Variants in TJP1 observed in about 807,000 individuals in gnomAD.
The protein encoded by TJP1 is tight junction protein ZO-1.
Under a neutral mutation model 194.2 loss-of-function variants are expected in TJP1, and 43 were observed. That is an observed-to-expected ratio of 0.22 (90% CI 0.17 to 0.29). The LOEUF (loss-of-function observed/expected upper bound fraction) is 0.29. TJP1 is among the 10% of genes least tolerant of loss of function. The pLI, the probability that TJP1 is intolerant of heterozygous loss-of-function variation, is 1.00. For synonymous variants in TJP1, 801 were observed against 779.0 expected (o/e 1.03, Z -0.47); for missense variants, 1,971 against 2,185.7 (o/e 0.90, Z 1.96).
intron 12 of TJP1, 82 bp from the exon 13 acceptor site, chr15:29,733,395 T>C (rs140720885): frequency 3.6e-5 from 34 of 939,416 alleles, no homozygotes; most frequent in Admixed American, 5.0e-5. Flanking sequence ...AAAGATGCTA[T>C]GATAATATCA....
Position 29,911,456 on chromosome 15 carries a change from T to G in TJP1, c.306+44776A>C, listed in dbSNP as rs1401444187. 3.3e-5 allele frequency among the ~76,000 whole-genome samples: 5 copies of G among 152,308 alleles called. No individual in the cohort carries two copies. In the East Asian group the frequency reaches 9.6e-4, roughly 29 times the overall value. ...TGGGTAATTTATAAAGAAAACAGGT[T>G]TAATTGGCTCATGGTTCCATGGGCT... On this transcript the variant is annotated intron_variant, in intron 2 of 28. Transcript: ENST00000356107.
At chr15:29,761,801 T>C (rs775714442) in intron 6 of TJP1, 32 bp from the exon 7 acceptor site, 5 of 1,486,450 alleles carry the variant, frequency 3.4e-6, no homozygotes, top group Non-Finnish European at 4.5e-6. Context: ...AGCTTGAAAG[T>C]AAATAATAAA....
rs144693821 is a variant in TJP1 at position 29,847,668 on chromosome 15, C to T, written c.307-46966G>A. On this transcript the variant is annotated intron_variant, in intron 2 of 28. Coordinates refer to the TJP1 transcript ENST00000356107. ...GGCGAGGTGGTGCGTGCCTGTAGTC[C>T]CAGCTGCTCGGGAGGCTGAGGTAGG... Among the ~76,000 whole-genome samples the T allele has an allele frequency of 3.4e-3, 511 of 152,136 alleles. 5 individuals carry two copies. Among genetic ancestry groups the T allele is most frequent in the African/African-American group, 0.012 (488 of 41,496 alleles).
At chr15:29,785,726 CCTTTCAATGGA>C (rs567293707) in intron 2 of TJP1, among the ~76,000 whole-genome samples, 1 of 152,288 alleles carries the variant, frequency 6.6e-6, no homozygotes, top group South Asian at 2.1e-4. Context: ...TTCCTATTAA[CCTTTCAATGGA>C]ATTTCAATGA....
chr15:29,825,922 C>G (rs2050660739), upstream of TJP1, among the ~76,000 whole-genome samples: 1 of 152,164 alleles, frequency 6.6e-6, no homozygotes, highest in South Asian at 2.1e-4. Flanking sequence ...TTTTAAGGCT[C>G]ATAATGTTTC....
intron 2 of TJP1, among the ~76,000 whole-genome samples, chr15:29,840,024 G>A (rs1490788876): frequency 6.6e-6 from 1 of 152,118 alleles, no homozygotes; most frequent in African/African-American, 2.4e-5. Flanking sequence ...GCTTTTCATG[G>A]GCTTACTTGC....
chr15:29,748,739 A>G (rs1182177586), intron 8 of TJP1, among the ~76,000 whole-genome samples: 1 of 151,792 alleles, frequency 6.6e-6, no homozygotes, highest in Non-Finnish European at 1.5e-5. Flanking sequence ...TACCCTGCTA[A>G]CTTTTTCTAC....
At chr15:29,858,698 C>T (rs963824131) in intron 2 of TJP1, among the ~76,000 whole-genome samples, 14 of 151,888 alleles carry the variant, frequency 9.2e-5, no homozygotes, top group Admixed American at 3.3e-4. Context: ...GCACACTCCA[C>T]CGTGCCCAGC....
chr15:29,700,420 T>G lies in TJP1; in HGVS notation c.*1175A>C. On this transcript the variant is annotated 3_prime_UTR_variant, in exon 28 of 28. Coordinates refer to ENST00000614355, the MANE Select transcript of TJP1 (RefSeq NM_001330239.4). Reference sequence around the variant, plus strand: ...AACTGTATCTTTTAAATGCAGCACTTAAAAATGTAACAACTCTGTGCATCC... The same window carrying G: ...AACTGTATCTTTTAAATGCAGCACTGAAAAATGTAACAACTCTGTGCATCC... The G allele has an allele frequency of 2.5e-6, 1 of 398,894 alleles. No homozygotes were observed. Among genetic ancestry groups the G allele is most frequent in the South Asian group, 1.3e-4 (1 of 7,852 alleles). 24.7% of individuals were successfully genotyped at this position (398,894 alleles called of 1,614,324 possible). A position where few individuals can be genotyped will look rare whatever the true frequency, so the allele number is the denominator to read the frequency against.
intron 1 of TJP1, among the ~76,000 whole-genome samples, chr15:29,958,271 G>C (rs900099993): frequency 6.7e-6 from 1 of 149,596 alleles, no homozygotes; most frequent in African/African-American, 2.4e-5. Context: ...TCAAGTGTTC[G>C]AAGTCTCTCT....
chr15:29,740,763 A>G lies in TJP1; in HGVS notation c.1256+568T>C, dbSNP rs906690454. Among the ~76,000 whole-genome samples, 26 of 152,200 alleles carry G rather than the reference A, an allele frequency of 1.7e-4. 1 individual carries two copies. Among genetic ancestry groups the G allele is most frequent in the African/African-American group, 6.3e-4 (26 of 41,444 alleles). ...TAATGAAAGGTGTTAAGATAGTAAA[A>G]ACTTACTTTTGGGTTGCTAACTACC... On this transcript the variant is annotated intron_variant, in intron 10 of 27. Transcript: ENST00000614355.
Position 29,822,149 on chromosome 15 carries a change from G to A in TJP1, c.-121C>T, listed in dbSNP as rs766855660. The A allele has an allele frequency of 5.0e-6, 6 of 1,189,964 alleles. No homozygotes were observed. The highest frequency in any genetic ancestry group is 4.5e-5 in the Admixed American group (1 of 22,264). The allele number at this position is 1,189,964 out of a possible 1,614,324, so 73.7% of individuals were successfully genotyped here. ...CCCGAGAGCGAGCGGGGCACGGGCG[G>A]GGGCGGCCGGAAGGGCCCGGCCCAG... On this transcript the variant is annotated 5_prime_UTR_variant, in exon 1 of 28. Coordinates refer to ENST00000614355, the MANE Select transcript of TJP1 (RefSeq NM_001330239.4).
intron 2 of TJP1, among the ~76,000 whole-genome samples, chr15:29,880,499 T>C (rs62014490): frequency 0.075 from 11,426 of 152,248 alleles, 556 homozygotes; most frequent in Non-Finnish European, 0.11. Context: ...CACAATACCA[T>C]AGTGTTAACT....
intron 1 of TJP1, among the ~76,000 whole-genome samples, chr15:29,957,884 AT>A (rs1322622721): frequency 6.6e-6 from 1 of 152,154 alleles, no homozygotes; most frequent in African/African-American, 2.4e-5. Flanking sequence ...GAGAATACCC[AT>A]TTGGGGGAGT....
At chr15:29,920,376 T>A (rs1487443126) in intron 2 of TJP1, among the ~76,000 whole-genome samples, 1 of 152,204 alleles carries the variant, frequency 6.6e-6, no homozygotes, top group African/African-American at 2.4e-5. Flanking sequence ...ATTTTCTAGC[T>A]ACCCATGGGT....
In TJP1 at chr15:29,761,228, A is replaced by C; in HGVS notation, c.921T>G (p.Pro307=). ...SDHSGRSHDR[P]PRRSRSRSPD... is the part of the protein sequence containing the mutation. ...GAGATCGTGACCGGCTGCGGCGGGG[A>C]GGCCTATCGTGTGATCGACCAGAAT... Residue 307 remains proline, a synonymous_variant, in exon 8 of 28, where the codon CCT becomes CCG. Transcript: ENST00000614355. 1 of 1,613,002 alleles carries C rather than the reference A, an allele frequency of 6.2e-7. No individual in the cohort carries two copies. The highest frequency in any genetic ancestry group is 1.7e-4 in the Middle Eastern group (1 of 5,998).
intron 2 of TJP1, among the ~76,000 whole-genome samples, chr15:29,903,093 A>AGG (rs1046479845): frequency 2.0e-5 from 3 of 152,038 alleles, no homozygotes; most frequent in African/African-American, 7.2e-5. Flanking sequence ...ACACACTAGA[A>AGG]GGGGGCCCTT....
chr15:29,900,006 G>A (rs1212483663), intron 2 of TJP1, among the ~76,000 whole-genome samples: 1 of 152,090 alleles, frequency 6.6e-6, no homozygotes, highest in Non-Finnish European at 1.5e-5. Context: ...TGAGCAAAAT[G>A]TATAGTATAT....
intron 2 of TJP1, among the ~76,000 whole-genome samples, chr15:29,903,121 AC>A (rs1354388724): frequency 6.6e-6 from 1 of 152,024 alleles, no homozygotes; most frequent in Non-Finnish European, 1.5e-5. Context: ...TCCCTGTCTC[AC>A]CCACTTCCCT....
Sources: allele counts gnomAD v4.1 joint callset (sites outside exome capture counted in the v4.1 genomes callset), GRCh38; gene constraint gnomAD v4.1.1; transcripts MANE v1.5; gene names NCBI Gene and HGNC (gene_info 2026-07-23, HGNC 2026-07-21).